Variants in PLD1 observed in about 807,000 individuals in gnomAD.
The protein encoded by PLD1 is phospholipase D1.
In PLD1, 112 loss-of-function variants were observed where a neutral mutation model predicts 137.1. That is an observed-to-expected ratio of 0.82 (90% CI 0.70 to 0.96). The LOEUF (loss-of-function observed/expected upper bound fraction) is 0.96, where lower values mean the gene tolerates loss of function less well. PLD1 is among the 40% of genes least tolerant of loss of function. PLD1 has a pLI of 0.00. For synonymous variants in PLD1, 431 were observed against 454.7 expected (o/e 0.95, Z 0.66); for missense variants, 1,321 against 1,342.0 (o/e 0.98, Z 0.24).
intron 1 of PLD1, among the ~76,000 whole-genome samples, chr3:171,757,203 C>A (rs1721087909): frequency 1.3e-5 from 2 of 152,188 alleles, no homozygotes. Flanking sequence ...TCTGAAGACT[C>A]TGCTCAGTGA....
chr3:171,744,031 C>T (rs1719963737), intron 1 of PLD1, among the ~76,000 whole-genome samples: 1 of 152,166 alleles, frequency 6.6e-6, no homozygotes, highest in Non-Finnish European at 1.5e-5. Flanking sequence ...GTTGAAAAGC[C>T]CCTGAGAGGC....
At chr3:171,635,427 T>TTTATTA (rs138861146) in intron 23 of PLD1, among the ~76,000 whole-genome samples, 9 of 151,542 alleles carry the variant, frequency 5.9e-5, no homozygotes, top group East Asian at 1.9e-4. Flanking sequence ...TTGCCAATAC[T>TTTATTA]TTATTATTAT....
chr3:171,801,089 G>A (rs1723625641), intron 1 of PLD1, among the ~76,000 whole-genome samples: 1 of 152,208 alleles, frequency 6.6e-6, no homozygotes. Flanking sequence ...GCCCATTTCA[G>A]GAGGCCTGGC....
At chr3:171,604,468 G>A (rs542871879) in intron 26 of PLD1, among the ~76,000 whole-genome samples, 7 of 151,752 alleles carry the variant, frequency 4.6e-5, no homozygotes, top group Admixed American at 6.6e-5. Context: ...AGAGGTTCAC[G>A]TCTGTCCCTG....
intron 13 of PLD1, among the ~76,000 whole-genome samples, chr3:171,691,207 G>C (rs1176412837): frequency 1.3e-5 from 2 of 152,092 alleles, no homozygotes; most frequent in African/African-American, 2.4e-5. Context: ...TTTGCAGCTA[G>C]AGTGAGTCTC....
rs1350705501 is a variant in PLD1 at position 171,797,992 on chromosome 3, A to G, written c.-32+12407T>C. Reference sequence around the variant, plus strand: ...CTATGACTCATCTGTGAAACAATAGATAACAGTTAAGTGTCACTGACCCTT... The same window carrying G: ...CTATGACTCATCTGTGAAACAATAGGTAACAGTTAAGTGTCACTGACCCTT... On this transcript the variant is annotated intron_variant, in intron 1 of 26. Transcript: ENST00000351298. Among the ~76,000 whole-genome samples the G allele has an allele frequency of 3.3e-5, 5 of 152,330 alleles. No individual in the cohort carries two copies. In the East Asian group the frequency reaches 5.8e-4, roughly 18 times the overall value.
intron 21 of PLD1, among the ~76,000 whole-genome samples, chr3:171,646,499 A>T (rs1432797416): frequency 6.6e-6 from 1 of 152,162 alleles, no homozygotes; most frequent in Non-Finnish European, 1.5e-5. Flanking sequence ...CTGCCATGCT[A>T]AGAAACAAGG....
intron 1 of PLD1, among the ~76,000 whole-genome samples, chr3:171,752,517 TC>T (rs1439605166): frequency 1.3e-5 from 2 of 152,220 alleles, no homozygotes; most frequent in Admixed American, 1.3e-4. Flanking sequence ...TGGCCAGACT[TC>T]CCAGTTACAT....
At chr3:171,731,867 T>A (rs1265781323) in intron 6 of PLD1, among the ~76,000 whole-genome samples, 1 of 152,334 alleles carries the variant, frequency 6.6e-6, no homozygotes, top group Non-Finnish European at 1.5e-5. Context: ...CAGGTCACTC[T>A]GGGATTTCTA....
chr3:171,675,525 G>A (rs908729998), intron 18 of PLD1, among the ~76,000 whole-genome samples: 1 of 152,106 alleles, frequency 6.6e-6, no homozygotes, highest in Non-Finnish European at 1.5e-5. Flanking sequence ...TATCCTCCCT[G>A]GGGTAGCATG....
At chr3:171,672,718 T>C (rs1280243340) in intron 19 of PLD1, among the ~76,000 whole-genome samples, 2 of 152,122 alleles carry the variant, frequency 1.3e-5, no homozygotes, top group Non-Finnish European at 2.9e-5. Context: ...CTTGGACTCC[T>C]AGGCTCTCCT....
At chr3:171,748,411 G>A (rs55906275) in intron 1 of PLD1, among the ~76,000 whole-genome samples, 57,576 of 152,026 alleles carry the variant, frequency 0.38, 12,410 homozygotes, top group African/African-American at 0.58. Flanking sequence ...GGCCAAGAAC[G>A]GAATATTCAT....
At chr3:171,618,082 T>C (rs940548944) in intron 24 of PLD1, among the ~76,000 whole-genome samples, 1 of 151,928 alleles carries the variant, frequency 6.6e-6, no homozygotes, top group Non-Finnish European at 1.5e-5. Flanking sequence ...ATTTTTTCCT[T>C]GGGAGAAATC....
intron 9 of PLD1, 60 bp downstream of exon 9, chr3:171,713,833 G>A: frequency 7.0e-7 from 1 of 1,436,228 alleles, no homozygotes; most frequent in Non-Finnish European, 9.7e-7. Flanking sequence ...TTAAGGTTGA[G>A]AAAAAAATGT....
At chr3:171,657,718 G>T (rs996697464) in intron 21 of PLD1, among the ~76,000 whole-genome samples, 2 of 152,072 alleles carry the variant, frequency 1.3e-5, no homozygotes, top group African/African-American at 4.8e-5. Context: ...AAATCTTCAT[G>T]ATCCTAGATC....
intron 8 of PLD1, among the ~76,000 whole-genome samples, chr3:171,717,169 G>T (rs1272309735): frequency 6.6e-6 from 1 of 152,066 alleles, no homozygotes. Flanking sequence ...CTTTTTGCTT[G>T]GCATTGCCTT....
chr3:171,740,132 T>C (rs1348269671), intron 1 of PLD1, among the ~76,000 whole-genome samples: 1 of 152,198 alleles, frequency 6.6e-6, no homozygotes, highest in Admixed American at 6.5e-5. Context: ...AGAGATGCCA[T>C]AAAAGTATTC....
At chr3:171,717,452 T>C (rs1401283403) in intron 8 of PLD1, among the ~76,000 whole-genome samples, 1 of 152,216 alleles carries the variant, frequency 6.6e-6, no homozygotes, top group Non-Finnish European at 1.5e-5. Context: ...CTAGGTATTT[T>C]ATTCTTTTTG....
intron 1 of PLD1, among the ~76,000 whole-genome samples, chr3:171,777,136 G>C (rs1161560170): frequency 6.6e-6 from 1 of 151,992 alleles, no homozygotes; most frequent in South Asian, 2.1e-4. Flanking sequence ...TATGTTCATG[G>C]ATGGATCTTT....
Sources: allele counts gnomAD v4.1 joint callset (sites outside exome capture counted in the v4.1 genomes callset), GRCh38; gene constraint gnomAD v4.1.1; transcripts MANE v1.5; gene names NCBI Gene and HGNC (gene_info 2026-07-23, HGNC 2026-07-21).